Variants in FHIT observed in about 807,000 individuals in gnomAD.
FHIT encodes fragile histidine triad diadenosine triphosphatase.
A neutral mutation model predicts 17.9 loss-of-function variants in FHIT; 19 were observed. The observed-to-expected ratio is 1.06, with a 90% CI of 0.74 to 1.56. FHIT has a LOEUF of 1.56. Among genes scored for constraint, FHIT ranks in the 40% most tolerant of loss-of-function variants. FHIT has a pLI of 0.00. For synonymous variants in FHIT, 81 were observed against 69.7 expected, an observed-to-expected ratio of 1.16 and a Z score of -0.81; for missense variants, 248 against 189.2, an observed-to-expected ratio of 1.31 and a Z score of -1.82.
At chr3:61,174,207 T>A (rs926084268) in intron 2 of FHIT, among the ~76,000 whole-genome samples, 2 of 152,190 alleles carry the variant, frequency 1.3e-5, no homozygotes, top group African/African-American at 4.8e-5. Context: ...TTAAGTAACA[T>A]AAAAACTGAT....
chr3:60,377,040 A>G (rs1700592227), intron 5 of FHIT, among the ~76,000 whole-genome samples: 1 of 152,154 alleles, frequency 6.6e-6, no homozygotes, highest in Non-Finnish European at 1.5e-5. Flanking sequence ...AATATCTTTC[A>G]TCATGAAACT....
At chr3:60,267,995 C>G (rs1158688751) in intron 5 of FHIT, among the ~76,000 whole-genome samples, 1 of 152,192 alleles carries the variant, frequency 6.6e-6, no homozygotes, top group African/African-American at 2.4e-5. Context: ...CGTGCAATCA[C>G]TAACCAGGAG....
At chr3:60,973,240 G>A (rs76269671) in intron 3 of FHIT, among the ~76,000 whole-genome samples, 2 of 152,188 alleles carry the variant, frequency 1.3e-5, no homozygotes, top group African/African-American at 4.8e-5. Context: ...TCCAGTTGAG[G>A]CTGGTATATT....
At chr3:61,041,303 G>C (rs1422971679) in intron 3 of FHIT, among the ~76,000 whole-genome samples, 2 of 151,854 alleles carry the variant, frequency 1.3e-5, no homozygotes, top group Non-Finnish European at 2.9e-5. Context: ...CTTGAACCTG[G>C]GAGGCAGAAG....
At chr3:60,342,225 T>C (rs938028684) in intron 5 of FHIT, among the ~76,000 whole-genome samples, 10 of 152,186 alleles carry the variant, frequency 6.6e-5, no homozygotes, top group African/African-American at 2.4e-4. Flanking sequence ...CAGTAAGTAG[T>C]TATTGAATAC....
intron 5 of FHIT, among the ~76,000 whole-genome samples, chr3:60,328,426 A>T (rs1406142043): frequency 6.6e-6 from 1 of 152,220 alleles, no homozygotes; most frequent in Non-Finnish European, 1.5e-5. Flanking sequence ...GCGAAGGAAG[A>T]GTAAAGGCAT....
intron 8 of FHIT, among the ~76,000 whole-genome samples, chr3:59,920,152 T>C (rs1190054532): frequency 6.6e-6 from 1 of 152,240 alleles, no homozygotes; most frequent in East Asian, 1.9e-4. Context: ...CAGAAACTAC[T>C]ATCTATTAAC....
At chr3:61,020,715 T>G (rs537433306) in intron 3 of FHIT, among the ~76,000 whole-genome samples, 1 of 152,282 alleles carries the variant, frequency 6.6e-6, no homozygotes, top group Admixed American at 6.5e-5. Context: ...AATTGAAAGA[T>G]GCAGACTGGC....
intron 3 of FHIT, among the ~76,000 whole-genome samples, chr3:60,897,389 T>G (rs1320087298): frequency 6.6e-6 from 1 of 152,214 alleles, no homozygotes; most frequent in African/African-American, 2.4e-5. Flanking sequence ...TATTAGCATT[T>G]TATCAGAAAT....
intron 3 of FHIT, among the ~76,000 whole-genome samples, chr3:60,930,893 T>G (rs1553771565): frequency 6.6e-6 from 1 of 152,254 alleles, no homozygotes; most frequent in Non-Finnish European, 1.5e-5. Context: ...TGAATCATGC[T>G]GCTATAAAGA....
intron 8 of FHIT, among the ~76,000 whole-genome samples, chr3:59,897,543 G>A (rs560904995): frequency 5.9e-5 from 9 of 152,224 alleles, no homozygotes; most frequent in Middle Eastern, 3.4e-3. Context: ...ACTCAGTTCC[G>A]TGCTTGGCAC....
chr3:60,051,037 A>G (rs979078237), intron 5 of FHIT, among the ~76,000 whole-genome samples: 6 of 152,140 alleles, frequency 3.9e-5, no homozygotes, highest in African/African-American at 1.4e-4. Context: ...TCTAGAGGGG[A>G]CAGCAAAGGA....
chr3:60,359,569 G>A (rs1315033427), intron 5 of FHIT, among the ~76,000 whole-genome samples: 2 of 152,146 alleles, frequency 1.3e-5, no homozygotes, highest in African/African-American at 4.8e-5. Flanking sequence ...GTGAGCCACT[G>A]TGCCCGGCCT....
intron 8 of FHIT, among the ~76,000 whole-genome samples, chr3:59,918,214 CTTGT>C (rs1280815976): frequency 1.3e-5 from 2 of 151,270 alleles, no homozygotes; most frequent in African/African-American, 2.4e-5. Flanking sequence ...AGTTCAACAC[CTTGT>C]TTTTTTTTAA....
chr3:60,927,957 G>C (rs879963149), intron 3 of FHIT, among the ~76,000 whole-genome samples: 1 of 152,226 alleles, frequency 6.6e-6, no homozygotes, highest in Non-Finnish European at 1.5e-5. Flanking sequence ...ATTTCGTTTT[G>C]TACTAAGAAA....
intron 4 of FHIT, among the ~76,000 whole-genome samples, chr3:60,581,899 T>C (rs1553659799): frequency 6.6e-6 from 1 of 152,068 alleles, no homozygotes; most frequent in Non-Finnish European, 1.5e-5. Context: ...ATTGGATCAG[T>C]AAATTTCCCT....
At chr3:60,553,550 G>C (rs1019165726) in intron 4 of FHIT, among the ~76,000 whole-genome samples, 4 of 148,148 alleles carry the variant, frequency 2.7e-5, no homozygotes, top group Non-Finnish European at 5.9e-5. Context: ...GAGAGAGAGA[G>C]AGAGAGAGAG....
chr3:59,794,280 C>T (rs921746199), intron 8 of FHIT, among the ~76,000 whole-genome samples: 1 of 152,176 alleles, frequency 6.6e-6, no homozygotes, highest in Admixed American at 6.5e-5. Context: ...CATTATAGCA[C>T]GAATGCCTCC....
chr3:60,528,753 T>C (rs1192860653), intron 5 of FHIT, among the ~76,000 whole-genome samples: 5 of 152,202 alleles, frequency 3.3e-5, no homozygotes, highest in East Asian at 3.8e-4. Context: ...TATTACAATA[T>C]TGAAATACAC....
Sources: gnomAD v4.1 joint callset for allele counts (sites outside exome capture counted in the v4.1 genomes callset) on GRCh38, gnomAD v4.1.1 for gene constraint, MANE v1.5 for transcripts, NCBI Gene and HGNC (gene_info 2026-07-23, HGNC 2026-07-21) for gene names.